TYW5: variants seen among roughly 807,000 people sequenced by gnomAD.
TYW5 encodes the protein tRNA-yW synthesizing protein 5, also known as tRNA wybutosine-synthesizing protein 5.
A neutral mutation model predicts 44.4 loss-of-function variants in TYW5; 36 were observed. The observed-to-expected ratio is 0.81, with a 90% CI of 0.62 to 1.07. The LOEUF (loss-of-function observed/expected upper bound fraction) is 1.07. Ranked by LOEUF, TYW5 falls within the 50% of genes least tolerant of loss-of-function variation. The pLI, the probability that TYW5 is intolerant of heterozygous loss-of-function variation, is 0.00. For synonymous variants in TYW5, 121 were observed against 128.1 expected (o/e 0.94, Z 0.37); for missense variants, 354 against 365.7 (o/e 0.97, Z 0.26).
chr2:199,954,546 C>T (rs2077578039), intron 1 of TYW5, among the ~76,000 whole-genome samples: 1 of 152,182 alleles, frequency 6.6e-6, no homozygotes, highest in Admixed American at 6.5e-5. Context: ...ATTCTCCTGC[C>T]TCAGCCTCCC....
intron 2 of TYW5, chr2:199,948,091 CA>C (rs1274212565): frequency 2.7e-4 from 117 of 427,698 alleles, no homozygotes; most frequent in Non-Finnish European, 3.4e-4. Context: ...AACTCTGTCT[CA>C]AAAAAAATAA....
Position 199,939,057 on chromosome 2 carries a change from A to T in TYW5, c.362T>A (p.Ile121Asn). The change falls in exon 5 of 8, where the codon ATC (isoleucine) becomes AAC (asparagine). Residue 121 changes from isoleucine (I) to asparagine (N), a missense_variant. Coordinates refer to ENST00000354611, the MANE Select transcript of TYW5 (RefSeq NM_001039693.3). ...GEDPRKDVAD[I>N]RKQFPLLKGD... Reference sequence around the variant, plus strand: ...TTTCAACAAAGGAAACTGCTTTCTGATATCTGCAACATCCTGCATTTACAG... The same window carrying T: ...TTTCAACAAAGGAAACTGCTTTCTGTTATCTGCAACATCCTGCATTTACAG... 1 of 1,609,804 alleles carries T rather than the reference A, an allele frequency of 6.2e-7. No individual in the cohort carries two copies. The highest frequency in any genetic ancestry group is 8.5e-7 in the Non-Finnish European group (1 of 1,178,840).
chr2:199,930,409 C>T lies in TYW5; in HGVS notation c.*2658G>A, dbSNP rs1243954552. 6.6e-6 allele frequency: 1 copy of T among 152,168 alleles called. No individual in the cohort carries two copies. Among genetic ancestry groups the T allele is most frequent in the Non-Finnish European group, 1.5e-5 (1 of 68,030 alleles). 9.4% of individuals were successfully genotyped at this position (152,168 alleles called of 1,614,324 possible). A position where few individuals can be genotyped will look rare whatever the true frequency, so the allele number is the denominator to read the frequency against. ...TGCATATGCAAATAAGATGTTCACA[C>T]ACCACATACCTTGTTTTACACAAAT... On this transcript the variant is annotated 3_prime_UTR_variant, in exon 8 of 8. Transcript: ENST00000354611.
In TYW5 at chr2:199,933,237, T is replaced by C. The variant is rs1348026965; in HGVS notation, c.778A>G (p.Lys260Glu). 6.2e-7 allele frequency: 1 copy of C among 1,614,120 alleles called. No individual in the cohort carries two copies. Among genetic ancestry groups the C allele is most frequent in the Admixed American group, 1.7e-5 (1 of 60,018 alleles). ...TCTTTGTTTCCATAGGTATCTGTTTTATCATAGCATTCAGATGGAAGGTGC... is the reference window on the plus strand; with the variant it reads ...TCTTTGTTTCCATAGGTATCTGTTTCATCATAGCATTCAGATGGAAGGTGC... Reference protein sequence around the residue: ...WKHLPSECYDKTDTYGNKDPT... With the variant: ...WKHLPSECYDETDTYGNKDPT... Residue 260 changes from lysine to glutamate, a missense_variant, in exon 8 of 8, where the codon AAA becomes GAA. Coordinates refer to ENST00000354611, the MANE Select transcript of TYW5 (RefSeq NM_001039693.3).
At chr2:199,946,136 AATT>A (rs1481549515) in intron 2 of TYW5, 1 of 152,208 alleles carries the variant, frequency 6.6e-6, no homozygotes, top group Non-Finnish European at 1.5e-5. Flanking sequence ...TCATCTGTGA[AATT>A]ATTATTAAAA....
chr2:199,933,282 C>T lies in TYW5; in HGVS notation c.733G>A (p.Gly245Arg), dbSNP rs1489439280. Residue 245 changes from glycine (G) to arginine (R), a missense_variant, in exon 8 of 8, where the codon GGA becomes AGA. Transcript: ENST00000354611. ...HNVISEEFGV[G>R]VNIFWKHLPS... Reference sequence around the variant, plus strand: ...AGGTGCTTCCAAAAGATATTCACTCCCACTCCAAACTCTTCAGAAATTACA... The same window carrying T: ...AGGTGCTTCCAAAAGATATTCACTCTCACTCCAAACTCTTCAGAAATTACA... 6.2e-7 allele frequency: 1 copy of T among 1,613,682 alleles called. No homozygotes were observed. Among genetic ancestry groups the T allele is most frequent in the African/African-American group, 1.3e-5 (1 of 74,982 alleles).
At position 199,932,830 on chromosome 2, in the gene TYW5, C is replaced by G. The variant is rs1488767413; in HGVS notation, c.*237G>C. 2 of 484,694 alleles carry G rather than the reference C, an allele frequency of 4.1e-6. No homozygotes were observed. The highest frequency in any genetic ancestry group is 3.8e-5 in the Admixed American group (1 of 26,032). 30.0% of individuals were successfully genotyped at this position (484,694 alleles called of 1,614,324 possible). On this transcript the variant is annotated 3_prime_UTR_variant, in exon 8 of 8. Coordinates refer to ENST00000354611, the MANE Select transcript of TYW5 (RefSeq NM_001039693.3). The stretch of plus-strand genomic sequence containing the variant: ...TATTGTGAATCAATATATTTTCTTA[C>G]TGTTTTTAAGTCATTTTAAGTTGGA...
chr2:199,936,192 A>G, intron 6 of TYW5, 145 bp from the exon 7 acceptor site: 1 of 686,176 alleles, frequency 1.5e-6, no homozygotes, highest in Non-Finnish European at 2.5e-6. Flanking sequence ...TGCTACTGAC[A>G]CCTAAGACAA....
chr2:199,937,198 A>G (rs1458349469), intron 5 of TYW5, among the ~76,000 whole-genome samples: 1 of 152,148 alleles, frequency 6.6e-6, no homozygotes, highest in Non-Finnish European at 1.5e-5. Context: ...TATATTCATG[A>G]TTTTTTACTT....
chr2:199,952,644 T>C (rs2077554867), intron 1 of TYW5, among the ~76,000 whole-genome samples: 1 of 152,246 alleles, frequency 6.6e-6, no homozygotes, highest in Admixed American at 6.5e-5. Flanking sequence ...ACAGTGTTTC[T>C]GGCATACAAA....
intron 5 of TYW5, among the ~76,000 whole-genome samples, chr2:199,937,909 C>G (rs962893296): frequency 2.0e-5 from 3 of 149,954 alleles, no homozygotes; most frequent in Non-Finnish European, 3.0e-5. Flanking sequence ...ATTTTTTTTT[C>G]TTTGGAAACT....
At chr2:199,938,894 A>G in intron 5 of TYW5, 39 bp downstream of exon 5, 7 of 1,551,046 alleles carry the variant, frequency 4.5e-6, no homozygotes, top group Non-Finnish European at 5.2e-6. Context: ...AATGCTAAAG[A>G]TCTATTGTAG....
At chr2:199,934,817 G>A (rs1198633745) in intron 7 of TYW5, among the ~76,000 whole-genome samples, 1 of 151,938 alleles carries the variant, frequency 6.6e-6, no homozygotes, top group African/African-American at 2.4e-5. Context: ...AATTACAGAT[G>A]TTAATTACCT....
rs186384851 is a variant in TYW5 at position 199,937,340 on chromosome 2, G to A, written c.487-848C>T. ...ATATTACATTCTATTATAATTCAAG[G>A]TAAAGGGGATACTACTCAAAATTTA... On this transcript the variant is annotated intron_variant, in intron 5 of 7. Coordinates refer to ENST00000354611, the MANE Select transcript of TYW5 (RefSeq NM_001039693.3). 1.3e-4 allele frequency among the ~76,000 whole-genome samples: 20 copies of A among 151,596 alleles called. No individual in the cohort carries two copies. In the East Asian group the frequency reaches 3.3e-3, roughly 25 times the overall value.
At chr2:199,937,235 C>G (rs1043453122) in intron 5 of TYW5, among the ~76,000 whole-genome samples, 1 of 152,254 alleles carries the variant, frequency 6.6e-6, no homozygotes, top group South Asian at 2.1e-4. Flanking sequence ...CCTTTTAGTA[C>G]TAACCCTTTA....
chr2:199,930,178 T>G lies in TYW5; in HGVS notation c.*2889A>C, dbSNP rs373445636. The G allele has an allele frequency of 6.6e-6, 1 of 152,296 alleles. No individual in the cohort carries two copies. Among genetic ancestry groups the G allele is most frequent in the East Asian group, 1.9e-4 (1 of 5,182 alleles). The allele number at this position is 152,296 out of a possible 1,614,324, so 9.4% of individuals were successfully genotyped here. On this transcript the variant is annotated 3_prime_UTR_variant, in exon 8 of 8. Coordinates refer to ENST00000354611, the MANE Select transcript of TYW5 (RefSeq NM_001039693.3). Reference sequence around the variant, plus strand: ...TTTTGGTAGAGACAAGGTTTCGCCATGTTGCCCAGGCTGGTCTCGAACTCC... The same window carrying G: ...TTTTGGTAGAGACAAGGTTTCGCCAGGTTGCCCAGGCTGGTCTCGAACTCC...
At chr2:199,953,497 G>GA (rs1234029660) in intron 1 of TYW5, among the ~76,000 whole-genome samples, 4 of 151,986 alleles carry the variant, frequency 2.6e-5, no homozygotes, top group East Asian at 1.9e-4. Context: ...ATAAAGCCTC[G>GA]AAAAAACAGT....
intron 5 of TYW5, among the ~76,000 whole-genome samples, chr2:199,937,685 A>AATC (rs765908544): frequency 2.7e-4 from 41 of 151,530 alleles, no homozygotes; most frequent in Non-Finnish European, 4.3e-4. Flanking sequence ...CAACAACAAC[A>AATC]ATCATCATCA....
chr2:199,950,022 T>C (rs938263136), intron 1 of TYW5, among the ~76,000 whole-genome samples: 2 of 152,182 alleles, frequency 1.3e-5, no homozygotes, highest in Admixed American at 6.5e-5. Context: ...TCTTTTATAC[T>C]TTCTCTGCCC....
Sources: allele counts gnomAD v4.1 joint callset (sites outside exome capture counted in the v4.1 genomes callset), GRCh38; gene constraint gnomAD v4.1.1; transcripts MANE v1.5; gene names NCBI Gene and HGNC (gene_info 2026-07-23, HGNC 2026-07-21).